LRRC37A: variants seen among roughly 807,000 people sequenced by gnomAD.
The protein encoded by LRRC37A is leucine-rich repeat-containing protein 37A.
Under a neutral mutation model 35.4 loss-of-function variants are expected in LRRC37A, and 3 were observed. The observed-to-expected ratio is 0.08, with a 90% CI of 0.04 to 0.22. The LOEUF (loss-of-function observed/expected upper bound fraction) is 0.22, where lower values mean the gene tolerates loss of function less well. Among genes scored for constraint, LRRC37A ranks in the 10% least tolerant of loss-of-function variants. LRRC37A has a pLI of 1.00. For missense variants in LRRC37A, 67 were observed against 565.3 expected (o/e 0.12, Z 8.94); for synonymous variants, 23 against 215.0 (o/e 0.11, Z 7.81).
At chr17:46,278,305 T>C in the LRRC37A span, among the ~76,000 whole-genome samples, 1 of 152,246 alleles carries the variant, frequency 6.6e-6, no homozygotes, top group Admixed American at 6.5e-5. Flanking sequence ...AGCCCTGTGA[T>C]GGCAAATGAG....
At chr17:46,256,343 T>A in the LRRC37A span, among the ~76,000 whole-genome samples, 1 of 152,020 alleles carries the variant, frequency 6.6e-6, no homozygotes. Context: ...CCAGATCATG[T>A]CATTGCACTC....
upstream of LRRC37A, among the ~76,000 whole-genome samples, chr17:46,290,722 T>C (rs62073177): frequency 6.6e-6 from 1 of 151,086 alleles, no homozygotes; most frequent in Non-Finnish European, 1.5e-5. Context: ...GCTGGGATTA[T>C]AGGCATGAGC....
At chr17:46,262,524 T>C in the LRRC37A span, among the ~76,000 whole-genome samples, 1 of 112,710 alleles carries the variant, frequency 8.9e-6, no homozygotes, top group Non-Finnish European at 2.4e-5. Context: ...CAGTAAGGAT[T>C]TAAAAGCTCA....
chr17:46,286,861 C>T, the LRRC37A span, among the ~76,000 whole-genome samples: 154 of 152,332 alleles, frequency 1.0e-3, 1 homozygote, highest in South Asian at 0.02. Flanking sequence ...TGCCCATTTA[C>T]AATCATTACA....
At chr17:46,285,241 CTTT>C in the LRRC37A span, among the ~76,000 whole-genome samples, 4 of 138,378 alleles carry the variant, frequency 2.9e-5, no homozygotes, top group African/African-American at 2.7e-5. Context: ...CTTTTCTTTC[CTTT>C]TTTTTTTTTT....
the LRRC37A span, among the ~76,000 whole-genome samples, chr17:46,285,312 C>G: frequency 6.6e-6 from 1 of 150,388 alleles, no homozygotes; most frequent in East Asian, 2.0e-4. Context: ...TCGATCTTGG[C>G]TCACTGCAAC....
chr17:46,253,441 C>T, the LRRC37A span, among the ~76,000 whole-genome samples: 13 of 152,146 alleles, frequency 8.5e-5, no homozygotes, highest in Non-Finnish European at 8.8e-5. Flanking sequence ...CACGCCACTG[C>T]ACTCCAGCCT....
At chr17:46,312,658 A>C (rs2050861040) in intron 5 of LRRC37A, among the ~76,000 whole-genome samples, 1 of 80,774 alleles carries the variant, frequency 1.2e-5, no homozygotes, top group Non-Finnish European at 2.5e-5. Flanking sequence ...AAGATATAGA[A>C]TGAAGGGGTA....
chr17:46,266,809 C>A, the LRRC37A span, among the ~76,000 whole-genome samples: 1 of 151,904 alleles, frequency 6.6e-6, no homozygotes, highest in Non-Finnish European at 1.5e-5. Flanking sequence ...AGGCCGCACA[C>A]GCTCCCACAG....
chr17:46,265,484 C>G, the LRRC37A span, among the ~76,000 whole-genome samples: 14 of 145,458 alleles, frequency 9.6e-5, no homozygotes, highest in Non-Finnish European at 2.1e-4. Flanking sequence ...CTTCTTCTTT[C>G]TTTTTTTTTC....
chr17:46,262,668 C>G, the LRRC37A span, among the ~76,000 whole-genome samples: 1 of 152,018 alleles, frequency 6.6e-6, no homozygotes, highest in Non-Finnish European at 1.5e-5. Flanking sequence ...AACTTGTAAT[C>G]CCAGCTACTT....
At chr17:46,291,712 C>G (rs2050072280), upstream of LRRC37A, among the ~76,000 whole-genome samples, 1 of 151,762 alleles carries the variant, frequency 6.6e-6, no homozygotes, top group Admixed American at 6.6e-5. Flanking sequence ...CTTGCTTGAG[C>G]CCGGGAGTTT....
the LRRC37A span, among the ~76,000 whole-genome samples, chr17:46,249,054 G>C: frequency 6.6e-6 from 1 of 152,006 alleles, no homozygotes; most frequent in Admixed American, 6.5e-5. Flanking sequence ...GGTATTTAAA[G>C]TATACCTGAG....
chr17:46,325,471 G>A (rs1285277087), intron 7 of LRRC37A, among the ~76,000 whole-genome samples: 2 of 79,096 alleles, frequency 2.5e-5, no homozygotes, highest in African/African-American at 6.4e-5. Context: ...GTATACCTCA[G>A]GTCATTTACA....
At chr17:46,251,953 A>G in the LRRC37A span, among the ~76,000 whole-genome samples, 1 of 152,058 alleles carries the variant, frequency 6.6e-6, no homozygotes, top group Admixed American at 6.6e-5. Flanking sequence ...ATATGTTGGA[A>G]TTCATTTGAT....
the LRRC37A span, among the ~76,000 whole-genome samples, chr17:46,282,016 A>G: frequency 0.071 from 9,979 of 140,510 alleles, no homozygotes; most frequent in Non-Finnish European, 0.11. Context: ...TTCCTTGCCT[A>G]TATATATATT....
upstream of LRRC37A, among the ~76,000 whole-genome samples, chr17:46,289,261 T>C (rs1252102393): frequency 6.6e-6 from 1 of 152,206 alleles, no homozygotes; most frequent in Non-Finnish European, 1.5e-5. Context: ...CGGCTTGCTA[T>C]AGCCTTGACC....
chr17:46,290,624 T>G (rs1280637453), upstream of LRRC37A, among the ~76,000 whole-genome samples: 1 of 152,162 alleles, frequency 6.6e-6, no homozygotes, highest in African/African-American at 2.4e-5. Context: ...TTTTTGCATT[T>G]TTAGTACAGA....
chr17:46,275,287 G>T, the LRRC37A span: 1 of 622,132 alleles, frequency 1.6e-6, no homozygotes, highest in Non-Finnish European at 2.7e-6. Flanking sequence ...AGTCTTGTCA[G>T]GATAGCCTCA....
Sources: gnomAD v4.1 joint callset for allele counts (sites outside exome capture counted in the v4.1 genomes callset) on GRCh38, gnomAD v4.1.1 for gene constraint, MANE v1.5 for transcripts, NCBI Gene and HGNC (gene_info 2026-07-23, HGNC 2026-07-21) for gene names.